The following UPF3B variants were observed in gnomAD, a reference collection of about 807,000 sequenced individuals.
The protein encoded by UPF3B is UPF3B regulator of nonsense mediated mRNA decay.
Under a neutral mutation model 40.3 loss-of-function variants are expected in UPF3B, and 7 were observed. The observed-to-expected ratio is 0.17, with a 90% CI of 0.10 to 0.33. The LOEUF is 0.33. UPF3B is among the 10% of genes least tolerant of loss of function. UPF3B has a pLI of 1.00. For missense variants in UPF3B, 229 were observed against 358.9 expected (o/e 0.64, Z 2.93); for synonymous variants, 117 against 117.3 (o/e 1.00, Z 0.01).
chrX:119,821,109 T>A (rs891877149), intron 4 of UPF3B, among the ~76,000 whole-genome samples: 1 of 111,358 alleles, frequency 9.0e-6, no homozygotes, highest in Non-Finnish European at 1.9e-5. Context: ...CTCTCCATAG[T>A]GAGTTCTTAC....
chrX:119,810,785 C>T (rs974390985), intron 5 of UPF3B, among the ~76,000 whole-genome samples: 2 of 110,567 alleles, frequency 1.8e-5, no homozygotes, highest in Non-Finnish European at 3.8e-5. Flanking sequence ...TTTTGGTTTC[C>T]TAATGATAAA....
chrX:119,851,418 G>T, intron 3 of UPF3B, 77 bp downstream of exon 3: 1 of 698,825 alleles, frequency 1.4e-6, no homozygotes, highest in African/African-American at 2.1e-5. Flanking sequence ...ACTCTAGGAA[G>T]CAACGCAATG....
At position 119,807,545 on chromosome X, in the gene UPF3B, G is replaced by A. The variant is rs1010156596; in HGVS notation, c.640C>T (p.Arg214Ter). ...TGCCACCAGAATCGACCTGGGCTTC[G>A]AGCTCCTGGATGGTAAAGCTTCATC... is the stretch of plus-strand genomic sequence containing the variant. Residue 214 changes from arginine (R) to a stop codon, truncating the protein, a stop_gained, in exon 6 of 7, where the codon CGA (arginine) becomes TGA (stop). Transcript: ENST00000636792. LOFTEE classifies it high-confidence loss of function. The A allele has an allele frequency of 3.5e-6, 3 of 846,357 alleles. No individual in the cohort carries two copies. Among genetic ancestry groups the A allele is most frequent in the Admixed American group, 4.8e-5 (1 of 21,018 alleles). The allele number at this position is 846,357 out of a possible 1,213,427, so 69.7% of individuals were successfully genotyped here.
intron 5 of UPF3B, among the ~76,000 whole-genome samples, chrX:119,813,116 C>T (rs760575411): frequency 9.0e-6 from 1 of 111,582 alleles, no homozygotes; most frequent in Non-Finnish European, 1.9e-5. Context: ...AAAGTAAAGG[C>T]GAACTGATGC....
intron 4 of UPF3B, among the ~76,000 whole-genome samples, chrX:119,816,984 A>G (rs2048080067): frequency 9.0e-6 from 1 of 111,223 alleles, no homozygotes; most frequent in Non-Finnish European, 1.9e-5. Context: ...AATAAATAAA[A>G]TATGTGACGT....
chrX:119,807,373 G>A, intron 6 of UPF3B: 1 of 867,196 alleles, frequency 1.2e-6, no homozygotes, highest in Non-Finnish European at 1.5e-6. Context: ...CTTCTGGATT[G>A]CTTAACGTGT....
chrX:119,820,858 T>C (rs184245863), intron 4 of UPF3B, among the ~76,000 whole-genome samples: 3 of 111,654 alleles, frequency 2.7e-5, no homozygotes, highest in African/African-American at 9.8e-5. Context: ...GACAGATTGT[T>C]TGAGCCCAGG....
downstream of UPF3B, among the ~76,000 whole-genome samples, chrX:119,829,074 T>C (rs752915929): frequency 1.3e-4 from 15 of 111,276 alleles, no homozygotes; most frequent in East Asian, 4.2e-3. Flanking sequence ...CAGGCTGGAG[T>C]GCAGTGGCAC....
At chrX:119,828,234 T>C (rs755224526) in intron 3 of UPF3B, among the ~76,000 whole-genome samples, 12 of 110,699 alleles carry the variant, frequency 1.1e-4, no homozygotes, top group African/African-American at 3.6e-4. Flanking sequence ...TAAATTTTTT[T>C]TGTATTGTTT....
chrX:119,815,855 C>T (rs1344089989), intron 4 of UPF3B, among the ~76,000 whole-genome samples: 1 of 111,809 alleles, frequency 8.9e-6, no homozygotes, highest in Non-Finnish European at 1.9e-5. Context: ...AATCTCGGCT[C>T]ACTGTAACCT....
intron 5 of UPF3B, among the ~76,000 whole-genome samples, chrX:119,810,404 G>A (rs1323072546): frequency 4.5e-5 from 5 of 112,076 alleles, no homozygotes; most frequent in African/African-American, 6.5e-5. Context: ...GGTGAAATGT[G>A]GCTTTCCAAC....
Position 119,837,868 on chromosome X carries a change from T to C in UPF3B, c.1191A>G (p.Lys397=), listed in dbSNP as rs2056116761. Reference sequence around the variant, plus strand: ...TCTTTCCTTTATCCCGAAGTGTGTCTTTCTCTTTTTTCATTTCTTCTTCTT... The same window carrying C: ...TCTTTCCTTTATCCCGAAGTGTGTCCTTCTCTTTTTTCATTTCTTCTTCTT... ...KRKEEEMKKE[K]DTLRDKGKKA... is the part of the protein sequence containing the mutation. Residue 397 remains lysine (K), a synonymous_variant, in exon 10 of 11, where the codon AAA becomes AAG. Transcript: ENST00000276201. 1 of 1,209,191 alleles carries C rather than the reference T, an allele frequency of 8.3e-7. No individual in the cohort carries two copies.
chrX:119,830,411 ACT>A (rs1360561385), downstream of UPF3B, among the ~76,000 whole-genome samples: 1 of 109,754 alleles, frequency 9.1e-6, no homozygotes, highest in African/African-American at 3.3e-5. Context: ...CCCCGCACTC[ACT>A]CTCTTGCTCA....
intron 4 of UPF3B, chrX:119,815,313 GTACAATGAAA>G (rs2055856016): frequency 1.3e-6 from 1 of 759,055 alleles, no homozygotes; most frequent in African/African-American, 2.3e-5. Flanking sequence ...TGATTCTGAA[GTACAATGAAA>G]TATGTTACTG....
chrX:119,807,429 C>T, intron 6 of UPF3B: 1 of 890,277 alleles, frequency 1.1e-6, no homozygotes. Flanking sequence ...GCCATCTGGA[C>T]TTAACACTCC....
intron 10 of UPF3B, 112 bp downstream of exon 10, chrX:119,837,645 G>A: frequency 1.7e-6 from 1 of 598,096 alleles, no homozygotes; most frequent in Non-Finnish European, 2.6e-6. Flanking sequence ...AGTTGCAGAT[G>A]ATTAAAGTTC....
chrX:119,826,372 TA>T (rs1365915007), intron 3 of UPF3B, among the ~76,000 whole-genome samples: 1 of 106,199 alleles, frequency 9.4e-6, no homozygotes, highest in Non-Finnish European at 1.9e-5. Context: ...TCCCAGGTAC[TA>T]GGGGAGGCTG....
chrX:119,836,897 G>A (rs1409441344), intron 10 of UPF3B, among the ~76,000 whole-genome samples: 4 of 106,627 alleles, frequency 3.8e-5, no homozygotes, highest in Admixed American at 3.0e-4. Context: ...TGATCCACCC[G>A]TCTTGGCCTC....
chrX:119,830,576 CT>C (rs2147774656), downstream of UPF3B, among the ~76,000 whole-genome samples: 1 of 110,633 alleles, frequency 9.0e-6, no homozygotes, highest in African/African-American at 3.3e-5. Context: ...AAACTAACAA[CT>C]CTTAGGCATT....
Sources: gnomAD v4.1 joint callset for allele counts (sites outside exome capture counted in the v4.1 genomes callset) on GRCh38, gnomAD v4.1.1 for gene constraint, MANE v1.5 for transcripts, NCBI Gene and HGNC (gene_info 2026-07-23, HGNC 2026-07-21) for gene names.